The following SNX29 variants were observed in gnomAD, a reference collection of about 807,000 sequenced individuals.
SNX29 encodes the protein sorting nexin-29.
In SNX29, 78 loss-of-function variants were observed where a neutral mutation model predicts 102.1. That is an observed-to-expected ratio of 0.76 (90% CI 0.64 to 0.92). The LOEUF (loss-of-function observed/expected upper bound fraction) is 0.92. SNX29 is among the 40% of genes least tolerant of loss of function. The probability of loss-of-function intolerance (pLI) is 0.00; values close to 1 mark genes in which losing one functional copy is unlikely to be tolerated. For missense variants in SNX29, 1,280 were observed against 1,061.7 expected, an observed-to-expected ratio of 1.21 and a Z score of -2.86; for synonymous variants, 580 against 414.5, an observed-to-expected ratio of 1.40 and a Z score of -4.85.
chr16:12,476,793 T>A (rs1238557441), intron 18 of SNX29, among the ~76,000 whole-genome samples: 1 of 152,080 alleles, frequency 6.6e-6, no homozygotes, highest in Non-Finnish European at 1.5e-5. Flanking sequence ...GAACACATAA[T>A]GTCTGTGTTT....
At chr16:12,170,273 TGGTG>T (rs879666104) in intron 13 of SNX29, among the ~76,000 whole-genome samples, 3 of 151,536 alleles carry the variant, frequency 2.0e-5, no homozygotes, top group Non-Finnish European at 2.9e-5. Flanking sequence ...GCGCATGTGA[TGGTG>T]TGTGGGTGAC....
At chr16:12,567,537 C>T (rs886699215) in intron 20 of SNX29, among the ~76,000 whole-genome samples, 6 of 152,070 alleles carry the variant, frequency 3.9e-5, no homozygotes, top group Admixed American at 1.3e-4. Context: ...GTAATCCCAG[C>T]ACTTTAGGAG....
intron 11 of SNX29, among the ~76,000 whole-genome samples, chr16:12,116,918 A>G (rs1487929003): frequency 6.6e-6 from 1 of 152,214 alleles, no homozygotes; most frequent in Admixed American, 6.5e-5. Context: ...GGCACGGTCA[A>G]TACGTGCTTC....
intron 17 of SNX29, 65 bp downstream of exon 17, chr16:12,398,566 C>G: frequency 5.8e-6 from 9 of 1,549,060 alleles, no homozygotes; most frequent in Non-Finnish European, 8.0e-6. Flanking sequence ...TGGCTTCTGT[C>G]CCAGAAGACC....
intron 14 of SNX29, among the ~76,000 whole-genome samples, chr16:12,211,491 C>CT (rs1459111598): frequency 6.6e-6 from 1 of 152,126 alleles, no homozygotes; most frequent in African/African-American, 2.4e-5. Context: ...AACCAAGGCT[C>CT]TGAGAGGTGG....
chr16:12,045,456 G>T (rs1422878571), intron 5 of SNX29, among the ~76,000 whole-genome samples: 1 of 151,984 alleles, frequency 6.6e-6, no homozygotes, highest in Admixed American at 6.6e-5. Context: ...AGCCCTGGCT[G>T]GACCATTTAT....
chr16:12,207,712 C>T (rs1383158891), intron 14 of SNX29, among the ~76,000 whole-genome samples: 5 of 152,146 alleles, frequency 3.3e-5, no homozygotes, highest in Non-Finnish European at 7.3e-5. Context: ...GTGGTACGAT[C>T]CAGCTCTTCT....
In SNX29 at chr16:12,487,040, G is replaced by A. The variant is rs572411015; in HGVS notation, c.2178+9181G>A. Among the ~76,000 whole-genome samples, 119 of 152,302 alleles carry A rather than the reference G, an allele frequency of 7.8e-4. 1 individual carries two copies. The highest frequency in any genetic ancestry group is 2.7e-3 in the African/African-American group (111 of 41,552). The stretch of plus-strand genomic sequence containing the variant: ...GTACTATCTGTGTGGCCTCGGGCAC[G>A]TTATTTGACCTCTCTGTGCCTGTTT... On this transcript the variant is annotated intron_variant, in intron 19 of 20. Coordinates refer to ENST00000566228, the MANE Select transcript of SNX29 (RefSeq NM_032167.5).
At chr16:12,341,110 T>G (rs1161514137) in intron 15 of SNX29, among the ~76,000 whole-genome samples, 1 of 152,320 alleles carries the variant, frequency 6.6e-6, no homozygotes, top group South Asian at 2.1e-4. Flanking sequence ...AACCTATGGT[T>G]ACTATTATTA....
intron 1 of SNX29, among the ~76,000 whole-genome samples, chr16:11,994,535 C>G (rs930525737): frequency 5.9e-5 from 9 of 152,224 alleles, no homozygotes; most frequent in African/African-American, 2.2e-4. Flanking sequence ...AAATGTATCC[C>G]TCCTCGGCCA....
intron 20 of SNX29, among the ~76,000 whole-genome samples, chr16:12,566,601 G>C (rs1253885388): frequency 2.0e-5 from 3 of 152,148 alleles, no homozygotes; most frequent in Non-Finnish European, 2.9e-5. Flanking sequence ...CTGTATCTAA[G>C]AATCAGTTCC....
At chr16:12,441,792 G>C (rs1385236610) in intron 18 of SNX29, among the ~76,000 whole-genome samples, 1 of 151,990 alleles carries the variant, frequency 6.6e-6, no homozygotes, top group Non-Finnish European at 1.5e-5. Context: ...TTTGACTTTT[G>C]TTTTGTTTTG....
At chr16:12,432,520 A>T (rs952000677) in intron 18 of SNX29, among the ~76,000 whole-genome samples, 1 of 152,112 alleles carries the variant, frequency 6.6e-6, no homozygotes, top group African/African-American at 2.4e-5. Context: ...TCAGGCAGAG[A>T]AGGCTGGGCA....
chr16:12,398,606 C>T, intron 17 of SNX29, 105 bp downstream of exon 17: 1 of 1,299,282 alleles, frequency 7.7e-7, no homozygotes, highest in Admixed American at 1.7e-5. Context: ...ACTGTTGAGA[C>T]CCACACAAGG....
At chr16:12,001,620 TAC>T (rs894036017) in intron 2 of SNX29, among the ~76,000 whole-genome samples, 4 of 152,028 alleles carry the variant, frequency 2.6e-5, no homozygotes, top group Middle Eastern at 3.4e-3. Context: ...CATATACACA[TAC>T]ACACACACAG....
At chr16:12,488,231 A>G (rs1021559061) in intron 19 of SNX29, among the ~76,000 whole-genome samples, 3 of 152,136 alleles carry the variant, frequency 2.0e-5, no homozygotes, top group African/African-American at 7.2e-5. Flanking sequence ...CATATTTTCT[A>G]GGTATAGCAC....
At chr16:12,165,884 C>G (rs759126431) in intron 13 of SNX29, among the ~76,000 whole-genome samples, 5 of 152,234 alleles carry the variant, frequency 3.3e-5, no homozygotes, top group Non-Finnish European at 5.9e-5. Context: ...TCCCTTCTGA[C>G]TGATGAGAGT....
intron 13 of SNX29, among the ~76,000 whole-genome samples, chr16:12,194,847 G>A (rs1197920037): frequency 6.6e-6 from 1 of 151,874 alleles, no homozygotes; most frequent in Non-Finnish European, 1.5e-5. Context: ...AGCTGGTCTC[G>A]AACTCCCGAC....
chr16:12,538,464 C>G (rs996584643), intron 20 of SNX29, among the ~76,000 whole-genome samples: 1 of 152,064 alleles, frequency 6.6e-6, no homozygotes, highest in Non-Finnish European at 1.5e-5. Context: ...TCACGTATCT[C>G]CTATGTTGAT....
Sources: allele counts gnomAD v4.1 joint callset (sites outside exome capture counted in the v4.1 genomes callset), GRCh38; gene constraint gnomAD v4.1.1; transcripts MANE v1.5; gene names NCBI Gene and HGNC (gene_info 2026-07-23, HGNC 2026-07-21).